The following ATP13A5 variants were observed in gnomAD, a reference collection of about 807,000 sequenced individuals.
The protein encoded by ATP13A5 is ATPase 13A5.
Under a neutral mutation model 150.2 loss-of-function variants are expected in ATP13A5, and 149 were observed. The observed-to-expected ratio is 0.99, with a 90% confidence interval of 0.87 to 1.14. The LOEUF (loss-of-function observed/expected upper bound fraction) is 1.14. Ranked by LOEUF, ATP13A5 falls within the 50% of genes most tolerant of loss-of-function variation. The pLI is 0.00. For missense variants in ATP13A5, 1,383 were observed against 1,449.3 expected (o/e 0.95, Z 0.74); for synonymous variants, 497 against 522.2 (o/e 0.95, Z 0.66).
At chr3:193,291,737 G>A (rs987898111) in intron 25 of ATP13A5, among the ~76,000 whole-genome samples, 4 of 151,938 alleles carry the variant, frequency 2.6e-5, no homozygotes, top group Admixed American at 2.0e-4. Context: ...TTCCCTGGTT[G>A]GTAGTACTCT....
chr3:193,341,170 CCCCT>C (rs71718357), intron 9 of ATP13A5, among the ~76,000 whole-genome samples: 7,075 of 131,722 alleles, frequency 0.054, 482 homozygotes, highest in African/African-American at 0.17. Context: ...ATATTCCCCC[CCCCT>C]CCCAAATGAT....
chr3:193,321,460 G>A (rs568922012), intron 16 of ATP13A5, among the ~76,000 whole-genome samples: 2 of 151,968 alleles, frequency 1.3e-5, no homozygotes, highest in East Asian at 1.9e-4. Context: ...GTGAAACCCC[G>A]TCTCTACTAA....
At chr3:193,369,680 T>C (rs1713374758) in intron 1 of ATP13A5, among the ~76,000 whole-genome samples, 1 of 152,100 alleles carries the variant, frequency 6.6e-6, no homozygotes, top group Admixed American at 6.6e-5. Context: ...GTAAAGATAC[T>C]GGAAATGGGA....
intron 13 of ATP13A5, 52 bp downstream of exon 13, chr3:193,326,944 C>T (rs1036684218): frequency 2.7e-6 from 4 of 1,502,564 alleles, no homozygotes; most frequent in Non-Finnish European, 3.7e-6. Flanking sequence ...ATTTGAGTAT[C>T]ATCCAGGTAA....
At chr3:193,301,097 G>A in intron 24 of ATP13A5, 114 bp downstream of exon 24, 1 of 921,268 alleles carries the variant, frequency 1.1e-6, no homozygotes, top group South Asian at 1.5e-5. Flanking sequence ...CACCTATTTT[G>A]AGAAATGTCA....
intron 27 of ATP13A5, among the ~76,000 whole-genome samples, chr3:193,280,097 C>T (rs975417191): frequency 2.0e-5 from 3 of 151,216 alleles, no homozygotes; most frequent in African/African-American, 7.3e-5. Flanking sequence ...GTCACCCAGG[C>T]TGGAGTGCAG....
rs760608833 is a variant in ATP13A5, at chr3:193,362,430, T to C, written c.487A>G (p.Ile163Val). 3 of 1,614,140 alleles carry C rather than the reference T, an allele frequency of 1.9e-6. No individual in the cohort carries two copies. In the Admixed American group the frequency reaches 5.0e-5, roughly 27 times the overall value. Residue 163 changes from isoleucine (I) to valine (V), a missense_variant, in exon 5 of 30, where the codon ATC becomes GTC. Ile to Val is a conservative substitution (Grantham distance 29). Coordinates refer to ENST00000342358, the MANE Select transcript of ATP13A5 (RefSeq NM_198505.4). ...AGACCCAATCCAAATGTCTGATGGA[T>C]GTCAGAGCAGGAATTGCTGTCTTCT... ...LLEDSNSCSD[I>V]HQTFGLGLTS...
At position 193,298,514 on chromosome 3, in the gene ATP13A5, A is replaced by G. The variant is rs879709502; in HGVS notation, c.2848+617T>C. On this transcript the variant is annotated intron_variant, in intron 25 of 29. Transcript: ENST00000342358. Reference sequence around the variant, plus strand: ...TGTTTTATCTGTTATTTTTCATAACATGCCTATTGTTGAGCAAGGAAAAAG... The same window carrying G: ...TGTTTTATCTGTTATTTTTCATAACGTGCCTATTGTTGAGCAAGGAAAAAG... 5.8e-4 allele frequency among the ~76,000 whole-genome samples: 89 copies of G among 152,260 alleles called. 2 individuals are homozygous for G. The highest frequency in any genetic ancestry group is 1.9e-3 in the African/African-American group (80 of 41,570).
chr3:193,361,535 A>T (rs1290323657), intron 5 of ATP13A5, among the ~76,000 whole-genome samples: 1 of 152,194 alleles, frequency 6.6e-6, no homozygotes, highest in Non-Finnish European at 1.5e-5. Flanking sequence ...GGCCGACTGT[A>T]AAGGTTAAGC....
Position 193,275,282 on chromosome 3 carries a change from A to G in ATP13A5, c.3417T>C (p.His1139=). 3 of 1,613,656 alleles carry G rather than the reference A, an allele frequency of 1.9e-6. No individual in the cohort carries two copies. Among genetic ancestry groups the G allele is most frequent in the South Asian group, 1.1e-5 (1 of 91,056 alleles). The part of the protein sequence containing the change: ...FFVEDSILQN[H]ELWLLIKREF... ...CTCTTTTGATCAACAGCCAGAGTTC[A>G]TGATTTTGAAGGATGGAATCCTGAA... The change falls in exon 30 of 30, where the codon CAT becomes CAC. Residue 1139 remains histidine (H), a synonymous_variant. Transcript: ENST00000342358.
intron 25 of ATP13A5, 55 bp from the exon 26 acceptor site, chr3:193,290,114 G>C (rs1459316673): frequency 1.3e-6 from 2 of 1,515,966 alleles, no homozygotes; most frequent in African/African-American, 2.8e-5. Flanking sequence ...AGAATAAAAG[G>C]TTGAGATTGA....
intron 5 of ATP13A5, among the ~76,000 whole-genome samples, chr3:193,359,363 C>A (rs937299535): frequency 4.6e-5 from 7 of 152,160 alleles, no homozygotes; most frequent in Admixed American, 4.6e-4. Context: ...AGTAGGGTCT[C>A]ACAGCAGCCT....
Position 193,354,631 on chromosome 3 carries a change from C to T in ATP13A5, c.537-435G>A, listed in dbSNP as rs139223302. Among the ~76,000 whole-genome samples the T allele has an allele frequency of 7.4e-3, 1,121 of 151,478 alleles. 22 individuals are homozygous for T. The highest frequency in any genetic ancestry group is 0.026 in the African/African-American group (1,061 of 41,232). On this transcript the variant is annotated intron_variant, in intron 5 of 29. Coordinates refer to ENST00000342358, the MANE Select transcript of ATP13A5 (RefSeq NM_198505.4). ...CACCTAGGACAGGGCCCTTAGTATA[C>T]GAACCGAATGAATACATATTAGTAT...
chr3:193,336,345 A>G lies in ATP13A5; in HGVS notation c.944-1246T>C, dbSNP rs139065157. ...GCTGGTGTGCTGCACCCATTAAATC[A>G]TAATTTACATTAGGTGTATCTCCTA... On this transcript the variant is annotated intron_variant, in intron 9 of 29. Transcript: ENST00000342358. 8.8e-3 allele frequency among the ~76,000 whole-genome samples: 1,334 copies of G among 152,234 alleles called. 18 individuals are homozygous for G. Among genetic ancestry groups the G allele is most frequent in the African/African-American group, 0.03 (1,249 of 41,540 alleles).
intron 12 of ATP13A5, among the ~76,000 whole-genome samples, chr3:193,329,799 T>C (rs1711559530): frequency 6.6e-6 from 1 of 152,168 alleles, no homozygotes; most frequent in Admixed American, 6.5e-5. Flanking sequence ...TCCATCCTTG[T>C]CCTTTTTGTC....
At chr3:193,352,957 A>C (rs1266388213) in intron 6 of ATP13A5, among the ~76,000 whole-genome samples, 1 of 152,068 alleles carries the variant, frequency 6.6e-6, no homozygotes, top group African/African-American at 2.4e-5. Context: ...CCTTTCTCGG[A>C]GGAATAGAGA....
chr3:193,327,119 T>G, intron 12 of ATP13A5, 62 bp from the exon 13 acceptor site: 1 of 1,420,268 alleles, frequency 7.0e-7, no homozygotes, highest in Non-Finnish European at 9.6e-7. Context: ...TATAGTAATT[T>G]AAACAAAACC....
chr3:193,313,928 G>C, intron 19 of ATP13A5, 105 bp downstream of exon 19: 1 of 1,283,494 alleles, frequency 7.8e-7, no homozygotes, highest in East Asian at 2.3e-5. Flanking sequence ...CAGATGTGAG[G>C]GATTATTACT....
At position 193,290,130 on chromosome 3, in the gene ATP13A5, A is replaced by G. The variant is rs1717891742; in HGVS notation, c.2849-71T>C. The G allele has an allele frequency of 4.2e-6, 6 of 1,438,588 alleles. No individual in the cohort carries two copies. The African/African-American group carries it at 5.8e-5, about 14-fold the overall frequency. The allele number at this position is 1,438,588 out of a possible 1,614,324, so 89.1% of individuals were successfully genotyped here. A position where few individuals can be genotyped will look rare whatever the true frequency, so the allele number is the denominator to read the frequency against. The stretch of plus-strand genomic sequence containing the variant: ...GAATAAAAGGTTGAGATTGAGATGC[A>G]TATTATCTTGAGTCTGGCATTGGGA... On this transcript the variant is annotated intron_variant, in intron 25 of 29. Coordinates refer to ENST00000342358, the MANE Select transcript of ATP13A5 (RefSeq NM_198505.4).
Sources: allele counts gnomAD v4.1 joint callset (sites outside exome capture counted in the v4.1 genomes callset), GRCh38; gene constraint gnomAD v4.1.1; transcripts MANE v1.5; gene names NCBI Gene and HGNC (gene_info 2026-07-23, HGNC 2026-07-21).